The following WWC1 variants were observed in gnomAD, a reference collection of about 807,000 sequenced individuals.
The protein encoded by WWC1 is WW and C2 domain containing 1.
In WWC1, 55 loss-of-function variants were observed where a neutral mutation model predicts 138.4. The observed-to-expected ratio is 0.40, with a 90% CI of 0.32 to 0.50. WWC1 has a LOEUF of 0.50. Ranked by LOEUF, WWC1 falls within the 20% of genes least tolerant of loss-of-function variation. WWC1 has a pLI of 0.72. For missense variants in WWC1, 1,226 were observed against 1,420.4 expected, an observed-to-expected ratio of 0.86 and a Z score of 2.20; for synonymous variants, 524 against 564.9, an observed-to-expected ratio of 0.93 and a Z score of 1.03.
chr5:168,312,017 C>A (rs1229873630), intron 1 of WWC1, among the ~76,000 whole-genome samples: 10 of 151,164 alleles, frequency 6.6e-5, no homozygotes, highest in Non-Finnish European at 1.2e-4. Flanking sequence ...CCACTGCACT[C>A]CAGCCTGGGT....
chr5:168,329,327 G>C (rs1456559019), intron 1 of WWC1, among the ~76,000 whole-genome samples: 1 of 152,132 alleles, frequency 6.6e-6, no homozygotes, highest in African/African-American at 2.4e-5. Context: ...CATCTAGAAG[G>C]CTTTGAGGTT....
intron 3 of WWC1, among the ~76,000 whole-genome samples, chr5:168,393,537 T>C (rs1778660512): frequency 6.6e-6 from 1 of 152,120 alleles, no homozygotes; most frequent in Non-Finnish European, 1.5e-5. Flanking sequence ...TTTAATCAAG[T>C]GTAGGGCCGA....
At chr5:168,377,033 C>A in intron 2 of WWC1, among the ~76,000 whole-genome samples, 1 of 152,194 alleles carries the variant, frequency 6.6e-6, no homozygotes, top group East Asian at 1.9e-4. Flanking sequence ...TCAAACTATA[C>A]TATAAGGCTG....
At chr5:168,452,165 C>T (rs946557402) in intron 17 of WWC1, among the ~76,000 whole-genome samples, 3 of 152,078 alleles carry the variant, frequency 2.0e-5, no homozygotes, top group Non-Finnish European at 4.4e-5. Context: ...CTTGGCCACC[C>T]AAAGTGCTGG....
At chr5:168,298,207 T>G (rs1398655352) in intron 1 of WWC1, among the ~76,000 whole-genome samples, 1 of 151,806 alleles carries the variant, frequency 6.6e-6, no homozygotes, top group African/African-American at 2.4e-5. Flanking sequence ...CCCAGCTAAT[T>G]TTTGTATTTT....
chr5:168,405,167 A>C (rs1325726180), intron 5 of WWC1, among the ~76,000 whole-genome samples: 1 of 152,146 alleles, frequency 6.6e-6, no homozygotes, highest in Admixed American at 6.6e-5. Context: ...AGTAATAGGT[A>C]GTAGGGCTGG....
chr5:168,303,491 C>T (rs1770276517), intron 1 of WWC1, among the ~76,000 whole-genome samples: 1 of 152,000 alleles, frequency 6.6e-6, no homozygotes, highest in Non-Finnish European at 1.5e-5. Context: ...CACCTATAGT[C>T]CCAACTACAC....
In WWC1 at chr5:168,447,767, C is replaced by T. The variant is rs561014631; in HGVS notation, c.2525+3182C>T. 3.3e-5 allele frequency among the ~76,000 whole-genome samples: 5 copies of T among 151,472 alleles called. No individual in the cohort carries two copies. In the South Asian group the frequency reaches 1.0e-3, roughly 32 times the overall value. ...CTCTCTAAATTGTCTCAATCTCTCT[C>T]TCCCCCTCCTTTTCTCTCTCTTTCT... On this transcript the variant is annotated intron_variant, in intron 17 of 22. Coordinates refer to ENST00000265293, the MANE Select transcript of WWC1 (RefSeq NM_015238.3).
intron 1 of WWC1, among the ~76,000 whole-genome samples, chr5:168,320,105 G>C (rs1192883403): frequency 6.6e-6 from 1 of 150,980 alleles, no homozygotes; most frequent in Non-Finnish European, 1.5e-5. Flanking sequence ...CACGATCTCA[G>C]CTCACTGCAA....
At position 168,410,085 on chromosome 5, in the gene WWC1, T is replaced by C. The variant is rs553760826; in HGVS notation, c.941+90T>C. 25 of 1,223,202 alleles carry C rather than the reference T, an allele frequency of 2.0e-5. 2 individuals carry two copies. In the South Asian group the frequency reaches 2.9e-4, roughly 14 times the overall value. 75.8% of individuals were successfully genotyped at this position (1,223,202 alleles called of 1,614,324 possible). A position where few individuals can be genotyped will look rare whatever the true frequency, so the allele number is the denominator to read the frequency against. On this transcript the variant is annotated intron_variant, in intron 8 of 22. Coordinates refer to ENST00000265293, the MANE Select transcript of WWC1 (RefSeq NM_015238.3). ...GCTCTGTGCTTAGCTTTTCACACAC[T>C]TCGTCTTCTTTAATCCTCACAAAGA...
At chr5:168,295,423 T>A (rs1168121966) in intron 1 of WWC1, among the ~76,000 whole-genome samples, 3 of 151,734 alleles carry the variant, frequency 2.0e-5, no homozygotes, top group Admixed American at 2.0e-4. Flanking sequence ...GCCAAGGTAG[T>A]TATATCCCTG....
intron 16 of WWC1, 72 bp downstream of exon 16, chr5:168,441,906 G>A: frequency 3.9e-6 from 6 of 1,547,032 alleles, no homozygotes; most frequent in Non-Finnish European, 5.2e-6. Flanking sequence ...GCCTCTCCCA[G>A]AACTGGAGGT....
intron 4 of WWC1, among the ~76,000 whole-genome samples, chr5:168,398,064 G>A (rs115936713): frequency 1.7e-3 from 262 of 151,896 alleles, no homozygotes; most frequent in Admixed American, 3.1e-3. Flanking sequence ...AGTAACTACC[G>A]TCATCTGCAT....
chr5:168,350,553 G>A (rs895957786), intron 1 of WWC1, among the ~76,000 whole-genome samples: 3 of 152,132 alleles, frequency 2.0e-5, no homozygotes, highest in South Asian at 2.1e-4. Flanking sequence ...TGCCTCTTCT[G>A]GACTGGCTCT....
Position 168,385,257 on chromosome 5 carries a change from G to A in WWC1, c.276G>A (p.Gln92=). 6.2e-7 allele frequency: 1 copy of A among 1,614,140 alleles called. No individual in the cohort carries two copies. The highest frequency in any genetic ancestry group is 8.5e-7 in the Non-Finnish European group (1 of 1,180,038). ...CTCGAGTACAATGGCGGCGGGAGCA[G>A]GAACATATGCTGAAGGATTACCTGG... is the stretch of plus-strand genomic sequence containing the variant. ...EDPRVQWRRE[Q]EHMLKDYLVV... Residue 92 remains glutamine (Q), a synonymous_variant, in exon 3 of 23, where the codon CAG becomes CAA. Coordinates refer to ENST00000265293, the MANE Select transcript of WWC1 (RefSeq NM_015238.3).
chr5:168,440,523 G>A (rs1344249172), intron 15 of WWC1, among the ~76,000 whole-genome samples: 1 of 151,450 alleles, frequency 6.6e-6, no homozygotes, highest in Non-Finnish European at 1.5e-5. Flanking sequence ...GTTTTGTTTT[G>A]TTTTGTTTTT....
intron 1 of WWC1, among the ~76,000 whole-genome samples, chr5:168,344,046 A>G (rs2152780676): frequency 6.6e-6 from 1 of 152,264 alleles, no homozygotes; most frequent in Non-Finnish European, 1.5e-5. Flanking sequence ...AGCTCACCCA[A>G]ACAGCAGCTT....
intron 1 of WWC1, among the ~76,000 whole-genome samples, chr5:168,362,151 ATG>A (rs10582220): frequency 0.26 from 40,140 of 152,070 alleles, 6,582 homozygotes; most frequent in South Asian, 0.46. Context: ...CTGTGTACTC[ATG>A]TGCTGTTTCA....
intron 10 of WWC1, among the ~76,000 whole-genome samples, chr5:168,423,149 C>CAAAAAAAAAAAAAAAA (rs773855632): frequency 1.4e-5 from 1 of 71,298 alleles, no homozygotes; most frequent in East Asian, 4.3e-4. Context: ...CATCCCCCCC[C>CAAAAAAAAAAAAAAAA]AAAAAAAAAA....
Sources: allele counts gnomAD v4.1 joint callset (sites outside exome capture counted in the v4.1 genomes callset), GRCh38; gene constraint gnomAD v4.1.1; transcripts MANE v1.5; gene names NCBI Gene and HGNC (gene_info 2026-07-23, HGNC 2026-07-21).